OXSR1: variants seen among roughly 807,000 people sequenced by gnomAD.
OXSR1 encodes serine/threonine-protein kinase OSR1.
In OXSR1, 24 loss-of-function variants were observed where a neutral mutation model predicts 79.8. The ratio of observed to expected loss-of-function variants is 0.30; its 90% CI spans 0.22 to 0.42. The LOEUF is 0.42. Among genes scored for constraint, OXSR1 ranks in the 10% least tolerant of loss-of-function variants. The pLI, the probability that OXSR1 is intolerant of heterozygous loss-of-function variation, is 1.00. For missense variants in OXSR1, 430 were observed against 618.4 expected, an observed-to-expected ratio of 0.70 and a Z score of 3.23; for synonymous variants, 226 against 209.2, an observed-to-expected ratio of 1.08 and a Z score of -0.69.
intron 1 of OXSR1, among the ~76,000 whole-genome samples, chr3:38,175,192 C>T (rs939299184): frequency 6.6e-6 from 1 of 152,108 alleles, no homozygotes; most frequent in Non-Finnish European, 1.5e-5. Flanking sequence ...AGACTATAAG[C>T]CTATTATAGT....
intron 1 of OXSR1, 83 bp downstream of exon 1, chr3:38,166,029 G>A: frequency 6.3e-6 from 8 of 1,268,826 alleles, no homozygotes; most frequent in East Asian, 2.4e-5. Context: ...GGGAGCTCGG[G>A]GAGCGCAGCC....
intron 1 of OXSR1, among the ~76,000 whole-genome samples, chr3:38,175,875 G>A (rs1701668050): frequency 1.3e-5 from 2 of 152,272 alleles, no homozygotes; most frequent in East Asian, 3.9e-4. Flanking sequence ...GCATTGAGGA[G>A]GCGTGCCAAT....
At position 38,250,401 on chromosome 3, in the gene OXSR1, G is replaced by T. The variant is rs1337739153; in HGVS notation, c.1375+383G>T. On this transcript the variant is annotated intron_variant, in intron 15 of 17. Coordinates refer to ENST00000311806, the MANE Select transcript of OXSR1 (RefSeq NM_005109.3). ...TTCAAGGTCACACAGCTGGAAAGAG[G>T]TATAGCTGGAATTCAAACCAGATCT... 2.0e-5 allele frequency among the ~76,000 whole-genome samples: 3 copies of T among 152,128 alleles called. No individual in the cohort carries two copies. The East Asian group carries it at 5.8e-4, about 29-fold the overall frequency.
intron 7 of OXSR1, 46 bp from the exon 8 acceptor site, chr3:38,224,524 CT>C (rs1186483415): frequency 6.7e-7 from 1 of 1,498,508 alleles, no homozygotes; most frequent in African/African-American, 1.4e-5. Flanking sequence ...AATAGTTAAA[CT>C]TTACTGAGTC....
At chr3:38,247,858 G>C in intron 14 of OXSR1, 126 bp downstream of exon 14, 1 of 592,228 alleles carries the variant, frequency 1.7e-6, no homozygotes. Flanking sequence ...CTGTTTGCTT[G>C]GTGGTGTATT....
At chr3:38,218,280 A>G (rs1275794630) in intron 5 of OXSR1, among the ~76,000 whole-genome samples, 1 of 151,830 alleles carries the variant, frequency 6.6e-6, no homozygotes, top group Non-Finnish European at 1.5e-5. Flanking sequence ...AGAGTGCACA[A>G]GAATCCAATT....
At chr3:38,244,670 T>TGTGTGTGTGCAC (rs1491372358) in intron 12 of OXSR1, among the ~76,000 whole-genome samples, 1 of 149,626 alleles carries the variant, frequency 6.7e-6, no homozygotes, top group Admixed American at 6.6e-5. Context: ...TGTGTGTGCG[T>TGTGTGTGTGCAC]GCGCATGTAC....
chr3:38,238,514 A>C (rs1702964369), intron 11 of OXSR1, among the ~76,000 whole-genome samples: 1 of 151,846 alleles, frequency 6.6e-6, no homozygotes, highest in Non-Finnish European at 1.5e-5. Flanking sequence ...TTTGTGTTGT[A>C]AGTCTTTTGG....
At chr3:38,184,849 G>A (rs1171930931) in intron 2 of OXSR1, among the ~76,000 whole-genome samples, 2 of 114,542 alleles carry the variant, frequency 1.7e-5, no homozygotes, top group Non-Finnish European at 3.5e-5. Context: ...TGTCTGCTTA[G>A]TATAGTACTA....
chr3:38,239,672 G>A (rs139856610), intron 11 of OXSR1, among the ~76,000 whole-genome samples: 13 of 152,242 alleles, frequency 8.5e-5, no homozygotes, highest in East Asian at 3.9e-4. Flanking sequence ...ACATGCACTC[G>A]TTGATAAGTA....
intron 3 of OXSR1, among the ~76,000 whole-genome samples, chr3:38,196,854 T>C (rs1340638281): frequency 6.6e-6 from 1 of 152,212 alleles, no homozygotes; most frequent in Non-Finnish European, 1.5e-5. Context: ...TAGGGCTTAA[T>C]TGTTAAGTGA....
rs1329804574 is a variant in OXSR1 at position 38,190,853 on chromosome 3, A to G, written c.292+14A>G. On this transcript the variant is annotated intron_variant, in intron 3 of 17. Transcript: ENST00000311806. Reference sequence around the variant, plus strand: ...TGCTAAGTGGAGGTGAGTAGAGTACAAGGAAATGCTATAAGTACCATGGTT... The same window carrying G: ...TGCTAAGTGGAGGTGAGTAGAGTACGAGGAAATGCTATAAGTACCATGGTT... 1.5e-6 allele frequency: 2 copies of G among 1,341,296 alleles called. No homozygotes were observed. The highest frequency in any genetic ancestry group is 2.1e-6 in the Non-Finnish European group (2 of 933,426). The allele number at this position is 1,341,296 out of a possible 1,614,324, so 83.1% of individuals were successfully genotyped here. A position where few individuals can be genotyped will look rare whatever the true frequency, so the allele number is the denominator to read the frequency against.
rs367971656 is a variant in OXSR1 at position 38,178,010 on chromosome 3, G to A, written c.71-4993G>A. On this transcript the variant is annotated intron_variant, in intron 1 of 17. Coordinates refer to ENST00000311806, the MANE Select transcript of OXSR1 (RefSeq NM_005109.3). ...GTTGCCCAGGCTGGAGGGCAGTGGT[G>A]CAATCTCAGCTCACTGCAACCTCTG... 3.3e-5 allele frequency among the ~76,000 whole-genome samples: 5 copies of A among 152,308 alleles called. No individual in the cohort carries two copies. In the East Asian group the frequency reaches 7.7e-4, roughly 24 times the overall value.
chr3:38,198,810 C>T lies in OXSR1; in HGVS notation c.381C>T (p.Leu127=). The T allele has an allele frequency of 6.2e-7, 1 of 1,613,440 alleles. No homozygotes were observed. The highest frequency in any genetic ancestry group is 1.1e-5 in the South Asian group (1 of 91,054). ...VLDESTIATI[L]REVLEGLEYL... Reference sequence around the variant, plus strand: ...ATGAATCTACCATTGCTACGATACTCCGAGAAGTACTGGAAGGGCTGGAAT... The same window carrying T: ...ATGAATCTACCATTGCTACGATACTTCGAGAAGTACTGGAAGGGCTGGAAT... The change falls in exon 4 of 18, where the codon CTC becomes CTT. Residue 127 remains leucine (L), a synonymous_variant. Transcript: ENST00000311806.
chr3:38,236,476 A>T (rs1350607276), intron 10 of OXSR1, among the ~76,000 whole-genome samples: 2 of 152,218 alleles, frequency 1.3e-5, no homozygotes, highest in Non-Finnish European at 2.9e-5. Context: ...TAACAAAAAG[A>T]AAAAATAACA....
intron 2 of OXSR1, among the ~76,000 whole-genome samples, chr3:38,185,910 A>C (rs1701875808): frequency 7.3e-6 from 1 of 137,750 alleles, no homozygotes. Context: ...ATGCCACTGC[A>C]TGCCAGCCTG....
intron 1 of OXSR1, among the ~76,000 whole-genome samples, chr3:38,171,458 A>G (rs1171159362): frequency 6.6e-6 from 1 of 152,226 alleles, no homozygotes; most frequent in Non-Finnish European, 1.5e-5. Flanking sequence ...TAATGGTGTC[A>G]TCTCCATCAA....
chr3:38,233,887 G>T (rs752968574), intron 10 of OXSR1, among the ~76,000 whole-genome samples: 1 of 152,090 alleles, frequency 6.6e-6, no homozygotes, highest in Non-Finnish European at 1.5e-5. Context: ...ACTTCAGCCT[G>T]GGTGACAGAG....
chr3:38,222,839 C>G (rs1479730205), intron 6 of OXSR1, among the ~76,000 whole-genome samples: 3 of 152,036 alleles, frequency 2.0e-5, no homozygotes, highest in South Asian at 2.1e-4. Context: ...TTGATTCTTT[C>G]TAGTATTTTA....
Sources: gnomAD v4.1 joint callset for allele counts (sites outside exome capture counted in the v4.1 genomes callset) on GRCh38, gnomAD v4.1.1 for gene constraint, MANE v1.5 for transcripts, NCBI Gene and HGNC (gene_info 2026-07-23, HGNC 2026-07-21) for gene names.